Variants in TMEM178B observed in about 807,000 individuals in gnomAD.
TMEM178B encodes transmembrane protein 178B.
A neutral mutation model predicts 31.0 loss-of-function variants in TMEM178B; 5 were observed. The ratio of observed to expected loss-of-function variants is 0.16; its 90% CI spans 0.08 to 0.34. TMEM178B has a LOEUF of 0.34. Ranked by LOEUF, TMEM178B falls within the 10% of genes least tolerant of loss-of-function variation. The pLI is 1.00. For missense variants in TMEM178B, 275 were observed against 400.3 expected (o/e 0.69, Z 2.67); for synonymous variants, 164 against 164.0 (o/e 1.00, Z 0.00).
chr7:141,459,415 A>T (rs1802023714), intron 3 of TMEM178B, among the ~76,000 whole-genome samples: 1 of 152,202 alleles, frequency 6.6e-6, no homozygotes, highest in Admixed American at 6.5e-5. Flanking sequence ...GCTGTGTGGG[A>T]TACCAAAGGA....
chr7:141,137,434 C>T lies in TMEM178B; in HGVS notation c.382+62742C>T, dbSNP rs149055805. On this transcript the variant is annotated intron_variant, in intron 1 of 3. Transcript: ENST00000565468. ...CAGCAATGTGGATGGAACCGAAGGT[C>T]ATTATGTTAAGCAAAATAAGCCAGG... is the stretch of plus-strand genomic sequence containing the variant. 1.3e-3 allele frequency among the ~76,000 whole-genome samples: 201 copies of T among 152,264 alleles called. 1 individual carries two copies. Among genetic ancestry groups the T allele is most frequent in the African/African-American group, 4.6e-3 (193 of 41,552 alleles).
chr7:141,498,101 T>C, the TMEM178B span, among the ~76,000 whole-genome samples: 4 of 152,246 alleles, frequency 2.6e-5, no homozygotes, highest in Non-Finnish European at 4.4e-5. Context: ...GGAAAGCTTA[T>C]GGACTTTTGG....
intron 2 of TMEM178B, among the ~76,000 whole-genome samples, chr7:141,236,287 G>A (rs1214491222): frequency 6.6e-6 from 1 of 152,210 alleles, no homozygotes; most frequent in Non-Finnish European, 1.5e-5. Context: ...CAGAGATTCG[G>A]CGCAGAGAAG....
At chr7:141,193,870 A>G (rs970706620) in intron 1 of TMEM178B, among the ~76,000 whole-genome samples, 2 of 151,582 alleles carry the variant, frequency 1.3e-5, no homozygotes, top group African/African-American at 4.9e-5. Context: ...TGAGGTGCAG[A>G]CTCCTCATAT....
chr7:141,193,025 A>G (rs935368458), intron 1 of TMEM178B, among the ~76,000 whole-genome samples: 1 of 152,210 alleles, frequency 6.6e-6, no homozygotes, highest in Non-Finnish European at 1.5e-5. Flanking sequence ...CATGCCCTCT[A>G]TCTAATTGTT....
intron 2 of TMEM178B, among the ~76,000 whole-genome samples, chr7:141,362,018 G>A (rs1799925760): frequency 6.6e-6 from 1 of 152,200 alleles, no homozygotes; most frequent in Non-Finnish European, 1.5e-5. Context: ...TTTCTTACAA[G>A]GCAAAACATC....
At chr7:141,229,125 G>C (rs1024721) in intron 2 of TMEM178B, among the ~76,000 whole-genome samples, 59,955 of 147,286 alleles carry the variant, frequency 0.41, 12,508 homozygotes, top group East Asian at 0.65. Context: ...GTGTGTGTGT[G>C]TGTGTGAAAC....
At chr7:141,237,773 C>T (rs569927382) in intron 2 of TMEM178B, among the ~76,000 whole-genome samples, 1 of 152,266 alleles carries the variant, frequency 6.6e-6, no homozygotes, top group East Asian at 1.9e-4. Flanking sequence ...CCTGTAATCC[C>T]AGCACTTTGG....
chr7:141,319,431 G>C (rs1486217590), intron 2 of TMEM178B, among the ~76,000 whole-genome samples: 1 of 152,182 alleles, frequency 6.6e-6, no homozygotes, highest in Middle Eastern at 3.2e-3. Flanking sequence ...CCATTGTCAG[G>C]CCTGGGGGGA....
chr7:141,103,347 T>C (rs987021525), intron 1 of TMEM178B, among the ~76,000 whole-genome samples: 2 of 152,176 alleles, frequency 1.3e-5, no homozygotes, highest in African/African-American at 4.8e-5. Context: ...ACCAGCATGT[T>C]TTCTCTCTCG....
intron 1 of TMEM178B, among the ~76,000 whole-genome samples, chr7:141,148,889 C>T (rs575800054): frequency 1.6e-4 from 24 of 152,308 alleles, no homozygotes; most frequent in African/African-American, 5.3e-4. Context: ...TCATTTGAAT[C>T]TTGGGGGTGG....
At chr7:141,215,644 C>T (rs12703371) in intron 2 of TMEM178B, among the ~76,000 whole-genome samples, 102,911 of 151,806 alleles carry the variant, frequency 0.68, 35,807 homozygotes, top group Middle Eastern at 0.8. Flanking sequence ...ATTTTATAAT[C>T]TGACCATAAT....
chr7:141,188,944 A>C (rs1195521434), intron 1 of TMEM178B, among the ~76,000 whole-genome samples: 1 of 152,240 alleles, frequency 6.6e-6, no homozygotes. Context: ...CCGCCTGAGG[A>C]AGGTCCAAGG....
intron 1 of TMEM178B, among the ~76,000 whole-genome samples, chr7:141,192,589 C>A (rs911785428): frequency 6.6e-6 from 1 of 151,858 alleles, no homozygotes; most frequent in African/African-American, 2.4e-5. Flanking sequence ...CCCAGCCTCC[C>A]GAATAGCTGC....
chr7:141,228,253 A>G (rs1184122518), intron 2 of TMEM178B, among the ~76,000 whole-genome samples: 1 of 152,228 alleles, frequency 6.6e-6, no homozygotes, highest in African/African-American at 2.4e-5. Context: ...AAATATACCA[A>G]GGTCCTTGCT....
intron 2 of TMEM178B, among the ~76,000 whole-genome samples, chr7:141,393,568 C>T (rs1399382695): frequency 1.3e-5 from 2 of 152,314 alleles, no homozygotes; most frequent in African/African-American, 4.8e-5. Flanking sequence ...GCTCAGTGCT[C>T]TTCATGGAAA....
intron 2 of TMEM178B, among the ~76,000 whole-genome samples, chr7:141,332,922 A>G (rs1799321605): frequency 6.6e-6 from 1 of 152,184 alleles, no homozygotes; most frequent in South Asian, 2.1e-4. Context: ...TGGATGGCAT[A>G]GTTTTAGTAG....
chr7:141,125,457 T>C (rs10258028), intron 1 of TMEM178B, among the ~76,000 whole-genome samples: 33,880 of 151,360 alleles, frequency 0.22, 4,424 homozygotes, highest in African/African-American at 0.37. Context: ...CCGAGGAGGG[T>C]GGATCATGAG....
chr7:141,293,787 G>C (rs937835061), intron 2 of TMEM178B, among the ~76,000 whole-genome samples: 12 of 152,146 alleles, frequency 7.9e-5, no homozygotes, highest in Non-Finnish European at 1.6e-4. Context: ...ATGCTTGTCA[G>C]GTTTACGAAC....
Sources: allele counts gnomAD v4.1 joint callset (sites outside exome capture counted in the v4.1 genomes callset), GRCh38; gene constraint gnomAD v4.1.1; transcripts MANE v1.5; gene names NCBI Gene and HGNC (gene_info 2026-07-23, HGNC 2026-07-21).